The following NKAIN2 variants were observed in gnomAD, a reference collection of about 807,000 sequenced individuals.
NKAIN2 encodes the protein sodium/potassium transporting ATPase interacting 2.
A neutral mutation model predicts 32.6 loss-of-function variants in NKAIN2; 14 were observed. The ratio of observed to expected loss-of-function variants is 0.43; its 90% CI spans 0.28 to 0.67. The LOEUF (loss-of-function observed/expected upper bound fraction) is 0.67. Ranked by LOEUF, NKAIN2 falls within the 30% of genes least tolerant of loss-of-function variation. The pLI, the probability that NKAIN2 is intolerant of heterozygous loss-of-function variation, is 0.17. For missense variants in NKAIN2, 198 were observed against 258.3 expected (o/e 0.77, Z 1.60); for synonymous variants, 80 against 87.2 (o/e 0.92, Z 0.46).
intron 3 of NKAIN2, among the ~76,000 whole-genome samples, chr6:124,481,577 A>G (rs1777453733): frequency 6.6e-6 from 1 of 152,154 alleles, no homozygotes; most frequent in Non-Finnish European, 1.5e-5. Flanking sequence ...AATCTTTTAC[A>G]CAGACTTTTA....
At chr6:124,286,885 T>C (rs963276673) in intron 2 of NKAIN2, among the ~76,000 whole-genome samples, 4 of 152,044 alleles carry the variant, frequency 2.6e-5, no homozygotes, top group Non-Finnish European at 5.9e-5. Flanking sequence ...GGTTTCACCA[T>C]GTTAGCCAGG....
At chr6:124,336,314 G>A (rs1261848805) in intron 2 of NKAIN2, among the ~76,000 whole-genome samples, 2 of 152,128 alleles carry the variant, frequency 1.3e-5, no homozygotes, top group African/African-American at 4.8e-5. Context: ...TTTGCCAGTG[G>A]TTTAATTTGG....
rs189439469 is a variant in NKAIN2, at chr6:124,582,576, A to G, written c.274-75610A>G. ...ATGCTACTCAAAGTATTCTGAAAAAAATAGAGGAGGGGGAATTCCTCCAAA... is the reference window on the plus strand; with the variant it reads ...ATGCTACTCAAAGTATTCTGAAAAAGATAGAGGAGGGGGAATTCCTCCAAA... On this transcript the variant is annotated intron_variant, in intron 3 of 6. Transcript: ENST00000368417. 3.2e-3 allele frequency among the ~76,000 whole-genome samples: 495 copies of G among 152,320 alleles called. 3 individuals carry two copies. The highest frequency in any genetic ancestry group is 0.011 in the African/African-American group (457 of 41,578).
intron 2 of NKAIN2, among the ~76,000 whole-genome samples, chr6:124,348,910 C>A (rs953165482): frequency 6.6e-6 from 1 of 152,082 alleles, no homozygotes; most frequent in African/African-American, 2.4e-5. Context: ...TGTGCTTTTC[C>A]GACGGGCTTA....
At chr6:123,903,949 C>T (rs182335225) in intron 1 of NKAIN2, among the ~76,000 whole-genome samples, 33 of 151,252 alleles carry the variant, frequency 2.2e-4, no homozygotes, top group Middle Eastern at 3.4e-3. Flanking sequence ...AATGATTGGC[C>T]GGGCGTGGTG....
chr6:124,016,114 C>G (rs1193695808), intron 1 of NKAIN2, among the ~76,000 whole-genome samples: 1 of 151,854 alleles, frequency 6.6e-6, no homozygotes, highest in East Asian at 1.9e-4. Context: ...TATTACTTAC[C>G]ATTTTATAAA....
At chr6:123,976,370 CCCATATATAT>C (rs1778616336) in intron 1 of NKAIN2, among the ~76,000 whole-genome samples, 1 of 11,694 alleles carries the variant, frequency 8.6e-5, no homozygotes, top group African/African-American at 2.9e-4. Flanking sequence ...TATATATATT[CCCATATATAT>C]ATATATATAT....
rs1789224987 is a variant in NKAIN2, at chr6:124,177,611, T to C, written c.55-105394T>C. Among the ~76,000 whole-genome samples the C allele has an allele frequency of 3.3e-5, 5 of 152,294 alleles. No homozygotes were observed. The Middle Eastern group carries it at 0.017, about 518-fold the overall frequency. On this transcript the variant is annotated intron_variant, in intron 1 of 6. Coordinates refer to ENST00000368417, the MANE Select transcript of NKAIN2 (RefSeq NM_001040214.3). ...AGATATGATTGTGTTTTACGTACAT[T>C]GTTATGGTTGAAAGTTTTTTTTTCC... is the stretch of plus-strand genomic sequence containing the variant.
intron 5 of NKAIN2, among the ~76,000 whole-genome samples, chr6:124,798,063 TTATCTATCTATCTATC>T (rs35465154): frequency 0.36 from 53,129 of 148,450 alleles, 10,545 homozygotes; most frequent in Non-Finnish European, 0.44. Context: ...TATCTATCTA[TTATCTATCTATCTATC>T]TATCTATCTA....
At chr6:124,625,971 T>C (rs764598727) in intron 3 of NKAIN2, among the ~76,000 whole-genome samples, 21 of 151,886 alleles carry the variant, frequency 1.4e-4, no homozygotes, top group Non-Finnish European at 2.4e-4. Flanking sequence ...ACTTTAAGTT[T>C]TAGGGTACAT....
chr6:124,522,263 T>A (rs1004893217), intron 3 of NKAIN2, among the ~76,000 whole-genome samples: 5 of 152,358 alleles, frequency 3.3e-5, no homozygotes, highest in African/African-American at 1.2e-4. Context: ...ACTGCTTTCA[T>A]ATAATATAGA....
intron 3 of NKAIN2, among the ~76,000 whole-genome samples, chr6:124,520,142 C>A (rs978883337): frequency 1.3e-5 from 2 of 151,834 alleles, no homozygotes; most frequent in Non-Finnish European, 2.9e-5. Context: ...AAGGCCAATA[C>A]GAAAAGGAAT....
intron 3 of NKAIN2, among the ~76,000 whole-genome samples, chr6:124,495,799 C>A (rs1372305536): frequency 6.6e-6 from 1 of 152,138 alleles, no homozygotes; most frequent in East Asian, 1.9e-4. Flanking sequence ...ATCTCTGATT[C>A]TTTTGGCTTT....
chr6:124,401,286 T>G (rs1583190903), intron 3 of NKAIN2, among the ~76,000 whole-genome samples: 1 of 152,222 alleles, frequency 6.6e-6, no homozygotes, highest in Middle Eastern at 3.4e-3. Context: ...CCCCCCAATT[T>G]TTTGTGCTAA....
intron 3 of NKAIN2, among the ~76,000 whole-genome samples, chr6:124,647,272 T>C (rs1211325312): frequency 6.6e-6 from 1 of 151,616 alleles, no homozygotes; most frequent in Non-Finnish European, 1.5e-5. Context: ...TCAGTCTGGG[T>C]GTGGTGGCTT....
intron 3 of NKAIN2, among the ~76,000 whole-genome samples, chr6:124,503,798 T>C (rs1473467826): frequency 6.6e-6 from 1 of 152,162 alleles, no homozygotes; most frequent in Non-Finnish European, 1.5e-5. Context: ...TTAAAAGATT[T>C]CTGTGTGCTT....
At chr6:123,947,474 C>A (rs2114572977) in intron 1 of NKAIN2, among the ~76,000 whole-genome samples, 1 of 152,244 alleles carries the variant, frequency 6.6e-6, no homozygotes, top group Admixed American at 6.5e-5. Flanking sequence ...ATACTGTATA[C>A]CACCAGAATA....
At chr6:123,987,488 C>T (rs552705930) in intron 1 of NKAIN2, among the ~76,000 whole-genome samples, 21 of 152,204 alleles carry the variant, frequency 1.4e-4, no homozygotes, top group Admixed American at 9.8e-4. Context: ...AGGTAAGAAG[C>T]TTGGGCCGAT....
chr6:124,188,846 T>C lies in NKAIN2; in HGVS notation c.55-94159T>C, dbSNP rs1789876840. Among the ~76,000 whole-genome samples, 3 of 152,190 alleles carry C rather than the reference T, an allele frequency of 2.0e-5. No homozygotes were observed. In the South Asian group the frequency reaches 6.2e-4, roughly 31 times the overall value. On this transcript the variant is annotated intron_variant, in intron 1 of 6. Transcript: ENST00000368417. Reference sequence around the variant, plus strand: ...TCAAAATCCATACTTAAATGCCATGTTCAATATAATTAAATATTTAATAGT... The same window carrying C: ...TCAAAATCCATACTTAAATGCCATGCTCAATATAATTAAATATTTAATAGT...
Sources: gnomAD v4.1 joint callset for allele counts (sites outside exome capture counted in the v4.1 genomes callset) on GRCh38, gnomAD v4.1.1 for gene constraint, MANE v1.5 for transcripts, NCBI Gene and HGNC (gene_info 2026-07-23, HGNC 2026-07-21) for gene names.